CARS1: variants seen among roughly 807,000 people sequenced by gnomAD.
CARS1 encodes cysteinyl-tRNA synthetase 1, also known as cysteine--tRNA ligase, cytoplasmic.
A neutral mutation model predicts 106.2 loss-of-function variants in CARS1; 48 were observed. The observed-to-expected ratio is 0.45, with a 90% CI of 0.36 to 0.57. The LOEUF (loss-of-function observed/expected upper bound fraction) is 0.57, where lower values mean the gene tolerates loss of function less well. CARS1 is among the 20% of genes least tolerant of loss of function. CARS1 has a pLI of 0.00. For synonymous variants in CARS1, 409 were observed against 403.4 expected, an observed-to-expected ratio of 1.01 and a Z score of -0.17; for missense variants, 968 against 1,057.2, an observed-to-expected ratio of 0.92 and a Z score of 1.17.
chr11:3,037,898 G>C lies in CARS1; in HGVS notation c.801+152C>G. 1.3e-6 allele frequency: 1 copy of C among 753,658 alleles called. No homozygotes were observed. Among genetic ancestry groups the C allele is most frequent in the South Asian group, 2.0e-5 (1 of 50,902 alleles). 46.7% of individuals were successfully genotyped at this position (753,658 alleles called of 1,614,324 possible). ...GAGGGGCACTGACTCAGCCACCGCA[G>C]AACAGGGCCGCCTGCCACAGTGGAG... is the stretch of plus-strand genomic sequence containing the variant. On this transcript the variant is annotated intron_variant, in intron 7 of 22. Transcript: ENST00000380525. The surrounding 1 kb of genome is among the most constrained non-coding windows in gnomAD (Gnocchi z 5.9).
At chr11:3,057,079 C>T (rs1306552617) in intron 1 of CARS1, among the ~76,000 whole-genome samples, 1 of 152,106 alleles carries the variant, frequency 6.6e-6, no homozygotes, top group African/African-American at 2.4e-5. Flanking sequence ...GACCCGCCGT[C>T]CCTCAGACCC....
chr11:3,010,340 G>A (rs1223497806), intron 18 of CARS1, among the ~76,000 whole-genome samples: 1 of 152,236 alleles, frequency 6.6e-6, no homozygotes, highest in Non-Finnish European at 1.5e-5. Flanking sequence ...CAGAAGGCAG[G>A]TGGAAATGCC....
At position 3,041,117 on chromosome 11, in the gene CARS1, T is replaced by G; in HGVS notation, c.367-133A>C. 6.9e-7 allele frequency: 1 copy of G among 1,458,284 alleles called. No homozygotes were observed. Among genetic ancestry groups the G allele is most frequent in the Non-Finnish European group, 9.3e-7 (1 of 1,070,588 alleles). The allele number at this position is 1,458,284 out of a possible 1,614,324, so 90.3% of individuals were successfully genotyped here. A position where few individuals can be genotyped will look rare whatever the true frequency, so the allele number is the denominator to read the frequency against. On this transcript the variant is annotated intron_variant, in intron 3 of 22. Transcript: ENST00000380525. The surrounding 1 kb of genome is among the most constrained non-coding windows in gnomAD (Gnocchi z 4.9). ...CAATTCAACAGAGACCATTTTGTTT[T>G]ACTGTGAAAAGTCACAGTCTCAGTG...
In CARS1 at chr11:3,002,604, G is replaced by A; in HGVS notation, c.2218-4C>T. 1.2e-6 allele frequency: 2 copies of A among 1,614,054 alleles called. No homozygotes were observed. Among genetic ancestry groups the A allele is most frequent in the Non-Finnish European group, 1.7e-6 (2 of 1,179,996 alleles). ...TCTTCCTCTTCTCCTCTTCAACCTG[G>A]AGGGTCAATACAGAGCCAGATGAGA... is the stretch of plus-strand genomic sequence containing the variant. On this transcript the variant is annotated splice_region_variant and splice_polypyrimidine_tract_variant and intron_variant, in intron 20 of 22. Transcript: ENST00000380525.
chr11:3,035,943 T>C (rs1365049447), intron 7 of CARS1, among the ~76,000 whole-genome samples: 1 of 152,262 alleles, frequency 6.6e-6, no homozygotes, highest in African/African-American at 2.4e-5. Flanking sequence ...CCCAGCTCTG[T>C]GGCAGCAGCC....
rs770551923 is a variant in CARS1 at position 3,046,264 on chromosome 11, T to C, written c.274+1489A>G. Reference sequence around the variant, plus strand: ...GTGCCGCTCTTTCAACAAGTCCCTATGAGGGAAGCCTGGACAGGCCACTGC... The same window carrying C: ...GTGCCGCTCTTTCAACAAGTCCCTACGAGGGAAGCCTGGACAGGCCACTGC... On this transcript the variant is annotated intron_variant, in intron 2 of 22. Transcript: ENST00000380525. The surrounding 1 kb of genome is among the most constrained non-coding windows in gnomAD (Gnocchi z 5.8). Among the ~76,000 whole-genome samples the C allele has an allele frequency of 6.6e-6, 1 of 152,150 alleles. No homozygotes were observed. The highest frequency in any genetic ancestry group is 2.4e-5 in the African/African-American group (1 of 41,432).
At chr11:3,027,050 T>G in intron 9 of CARS1, 3 of 424,532 alleles carry the variant, frequency 7.1e-6, no homozygotes, top group South Asian at 3.3e-5. Context: ...CCCATGCAGC[T>G]CCCACCCTGC....
In CARS1 at chr11:3,039,266, G is replaced by A. The variant is rs769305699; in HGVS notation, c.579C>T (p.His193=). 2 of 1,613,650 alleles carry A rather than the reference G, an allele frequency of 1.2e-6. No individual in the cohort carries two copies. The highest frequency in any genetic ancestry group is 1.7e-5 in the Admixed American group (1 of 60,020). Residue 193 remains histidine, a synonymous_variant, in exon 6 of 23, where the codon CAC becomes CAT. Coordinates refer to ENST00000380525, the MANE Select transcript of CARS1 (RefSeq NM_001014437.3). The surrounding 1 kb of genome is among the most constrained non-coding windows in gnomAD (Gnocchi z 5.6). ...DKIIKRARQN[H]LFEQYREKRP... ...TCTTCTCCCGATACTGCTCGAACAGGTGGTTCTGCCGGGCCCTCTTGATGA... is the reference window on the plus strand; with the variant it reads ...TCTTCTCCCGATACTGCTCGAACAGATGGTTCTGCCGGGCCCTCTTGATGA...
chr11:3,001,256 C>T lies in CARS1; in HGVS notation c.2362-8G>A. 6.2e-7 allele frequency: 1 copy of T among 1,613,014 alleles called. No individual in the cohort carries two copies. The highest frequency in any genetic ancestry group is 8.5e-7 in the Non-Finnish European group (1 of 1,179,992). On this transcript the variant is annotated splice_region_variant and splice_polypyrimidine_tract_variant and intron_variant, in intron 22 of 22. Coordinates refer to ENST00000380525, the MANE Select transcript of CARS1 (RefSeq NM_001014437.3). The stretch of plus-strand genomic sequence containing the variant: ...GTCATGTGTGGGCAGACCCTGAAAA[C>T]CCAGAGCACAGCGGCTATTGGTCTC...
At position 3,019,059 on chromosome 11, in the gene CARS1, A is replaced by T; in HGVS notation, c.1395+80T>A. On this transcript the variant is annotated intron_variant, in intron 12 of 22. Coordinates refer to ENST00000380525, the MANE Select transcript of CARS1 (RefSeq NM_001014437.3). This position sits in a 1 kb window ranked among gnomAD's most constrained non-coding sequence, Gnocchi z 6.2. ...AGTTCTAGTGAGAGAGGCCCTTCTG[A>T]GGCCTGGGCTGACTTTTCCTCCACT... is the stretch of plus-strand genomic sequence containing the variant. 1 of 1,443,500 alleles carries T rather than the reference A, an allele frequency of 6.9e-7. No individual in the cohort carries two copies. The highest frequency in any genetic ancestry group is 1.5e-5 in the South Asian group (1 of 65,874). The allele number at this position is 1,443,500 out of a possible 1,614,324, so 89.4% of individuals were successfully genotyped here. A position where few individuals can be genotyped will look rare whatever the true frequency, so the allele number is the denominator to read the frequency against.
intron 1 of CARS1, among the ~76,000 whole-genome samples, chr11:3,049,616 G>A (rs1855455827): frequency 6.6e-6 from 1 of 152,250 alleles, no homozygotes; most frequent in Non-Finnish European, 1.5e-5. Flanking sequence ...GCTCCTTCCA[G>A]ACAGATACCC....
rs1410425224 is a variant in CARS1 at position 3,046,213 on chromosome 11, CACAGTGTGGATGGA to C, written c.274+1526_274+1539del. 1.3e-5 allele frequency among the ~76,000 whole-genome samples: 2 copies of C among 152,200 alleles called. No homozygotes were observed. Among genetic ancestry groups the C allele is most frequent in the Non-Finnish European group, 2.9e-5 (2 of 68,040 alleles). On this transcript the variant is annotated intron_variant, in intron 2 of 22. Coordinates refer to ENST00000380525, the MANE Select transcript of CARS1 (RefSeq NM_001014437.3). The surrounding 1 kb of genome is among the most constrained non-coding windows in gnomAD (Gnocchi z 5.8). Reference sequence around the variant, plus strand: ...CAAGAGCAAAACCCTTCCTTCCTCTCACAGTGTGGATGGAGGCTTGCGTCTGTGCCGCTCTTTCA... The same window carrying C: ...CAAGAGCAAAACCCTTCCTTCCTCTCGGCTTGCGTCTGTGCCGCTCTTTCA...
rs1290963739 is a variant in CARS1, at chr11:3,041,780, C to T, written c.366+385G>A. Among the ~76,000 whole-genome samples the T allele has an allele frequency of 1.3e-5, 2 of 151,988 alleles. No individual in the cohort carries two copies. The highest frequency in any genetic ancestry group is 1.9e-4 in the East Asian group (1 of 5,188). ...TCCCAACAACATCCAGCCAGTTTGC[C>T]GTTTTGTCCATCCTGCTTGGCTCAT... On this transcript the variant is annotated intron_variant, in intron 3 of 22. Transcript: ENST00000380525. This position sits in a 1 kb window ranked among gnomAD's most constrained non-coding sequence, Gnocchi z 4.9.
rs541262679 is a variant in CARS1 at position 3,026,564 on chromosome 11, C to T, written c.1153+112G>A. ...TTCCTTCAGGTGAAAAAGCACTGTT[C>T]CCAAGAGTCTGAGGGGTGGGCTCAG... is the stretch of plus-strand genomic sequence containing the variant. On this transcript the variant is annotated intron_variant, in intron 10 of 22. Transcript: ENST00000380525. 1.3e-5 allele frequency: 15 copies of T among 1,148,026 alleles called. No homozygotes were observed. In the African/African-American group the frequency reaches 1.8e-4, roughly 14 times the overall value. The allele number at this position is 1,148,026 out of a possible 1,614,324, so 71.1% of individuals were successfully genotyped here. A position where few individuals can be genotyped will look rare whatever the true frequency, so the allele number is the denominator to read the frequency against.
chr11:3,006,858 A>G, intron 19 of CARS1, 21 bp downstream of exon 19: 1 of 1,605,946 alleles, frequency 6.2e-7, no homozygotes, highest in Non-Finnish European at 8.5e-7. Flanking sequence ...ACTTTGTAGC[A>G]AACAGCAAGG....
chr11:3,040,558 C>T lies in CARS1; in HGVS notation c.455+338G>A, dbSNP rs189186326. On this transcript the variant is annotated intron_variant, in intron 4 of 22. Coordinates refer to ENST00000380525, the MANE Select transcript of CARS1 (RefSeq NM_001014437.3). This position sits in a 1 kb window ranked among gnomAD's most constrained non-coding sequence, Gnocchi z 5.8. ...GTCAGGTCTGAGTGTCACGGGAACT[C>T]AGCATCTGGGGACCCCACGAGAGCT... 5.8e-4 allele frequency: 292 copies of T among 506,086 alleles called. 2 individuals are homozygous for T. Among genetic ancestry groups the T allele is most frequent in the South Asian group, 7.8e-4 (51 of 64,972 alleles). The allele number at this position is 506,086 out of a possible 1,614,324, so 31.3% of individuals were successfully genotyped here. A position where few individuals can be genotyped will look rare whatever the true frequency, so the allele number is the denominator to read the frequency against.
chr11:3,023,187 C>T lies in CARS1; in HGVS notation c.1154-2855G>A, dbSNP rs1851733544. Among the ~76,000 whole-genome samples, 3 of 152,138 alleles carry T rather than the reference C, an allele frequency of 2.0e-5. No individual in the cohort carries two copies. In the South Asian group the frequency reaches 6.2e-4, roughly 31 times the overall value. On this transcript the variant is annotated intron_variant, in intron 10 of 22. Coordinates refer to ENST00000380525, the MANE Select transcript of CARS1 (RefSeq NM_001014437.3). ...TGGTGAGTCAGTGTGCTCTAGCTGC[C>T]TCCAGAACATTCCTTCACCACGTGA... is the stretch of plus-strand genomic sequence containing the variant.
At chr11:3,027,726 G>C in intron 9 of CARS1, 1 of 419,110 alleles carries the variant, frequency 2.4e-6, no homozygotes, top group South Asian at 1.7e-5. Context: ...TGAACCTCCT[G>C]TTATGCCCGG....
chr11:3,002,500 C>T (rs917950560), intron 21 of CARS1, 41 bp downstream of exon 21: 1 of 1,611,294 alleles, frequency 6.2e-7, no homozygotes, highest in African/African-American at 1.3e-5. Context: ...AGGGTGCACT[C>T]CTGCCCAGTA....
Sources: allele counts gnomAD v4.1 joint callset (sites outside exome capture counted in the v4.1 genomes callset), GRCh38; gene constraint gnomAD v4.1.1; non-coding constraint Gnocchi (gnomAD v3.1); transcripts MANE v1.5; gene names NCBI Gene and HGNC (gene_info 2026-07-23, HGNC 2026-07-21).